The following CUX1 variants were observed in gnomAD, a reference collection of about 807,000 sequenced individuals.
CUX1 encodes protein CASP.
In CUX1, 31 loss-of-function variants were observed where a neutral mutation model predicts 158.8. The ratio of observed to expected loss-of-function variants is 0.20; its 90% CI spans 0.15 to 0.26. The LOEUF (loss-of-function observed/expected upper bound fraction) is 0.26. Among genes scored for constraint, CUX1 ranks in the 10% least tolerant of loss-of-function variants. The pLI is 1.00. For missense variants in CUX1, 1,589 were observed against 2,014.6 expected, an observed-to-expected ratio of 0.79 and a Z score of 4.04; for synonymous variants, 879 against 862.1, an observed-to-expected ratio of 1.02 and a Z score of -0.34.
At chr7:102,053,340 G>C (rs1269575342) in intron 3 of CUX1, among the ~76,000 whole-genome samples, 1 of 152,004 alleles carries the variant, frequency 6.6e-6, no homozygotes, top group African/African-American at 2.4e-5. Flanking sequence ...ATATTTATGG[G>C]GTGGAGCACA....
At chr7:101,964,297 G>A (rs1810871624) in intron 2 of CUX1, among the ~76,000 whole-genome samples, 1 of 152,034 alleles carries the variant, frequency 6.6e-6, no homozygotes, top group African/African-American at 2.4e-5. Context: ...AGGTTGCAGT[G>A]AGCTGAGATC....
chr7:101,922,319 C>G (rs1388673653), intron 2 of CUX1, among the ~76,000 whole-genome samples: 1 of 152,226 alleles, frequency 6.6e-6, no homozygotes, highest in Non-Finnish European at 1.5e-5. Flanking sequence ...AATCTTCTGA[C>G]TGTAGACTTT....
chr7:101,924,730 TA>T lies in CUX1; in HGVS notation c.141+8506del, dbSNP rs1403144133. Reference sequence around the variant, plus strand: ...ACAGGCGTGCACCACCACACCTGGTTATTTTTTTTTATTTTTTATTTTTTGT... The same window carrying T: ...ACAGGCGTGCACCACCACACCTGGTTTTTTTTTTTATTTTTTATTTTTTGT... On this transcript the variant is annotated intron_variant, in intron 2 of 23. Coordinates refer to ENST00000292535, the MANE Select transcript of CUX1 (RefSeq NM_181552.4). Among the ~76,000 whole-genome samples, 5 of 149,950 alleles carry T rather than the reference TA, an allele frequency of 3.3e-5. No homozygotes were observed. The East Asian group carries it at 9.9e-4, about 30-fold the overall frequency.
chr7:102,244,076 G>C (rs1248136354), intron 23 of CUX1, among the ~76,000 whole-genome samples: 2 of 152,114 alleles, frequency 1.3e-5, no homozygotes, highest in African/African-American at 4.8e-5. Flanking sequence ...AGCAGGCCAA[G>C]GGCAGAGGGC....
intron 8 of CUX1, among the ~76,000 whole-genome samples, chr7:102,125,273 G>A (rs781951297): frequency 3.9e-5 from 6 of 152,160 alleles, no homozygotes; most frequent in Non-Finnish European, 8.8e-5. Context: ...CAATGAGGAC[G>A]TTTGCGCTCT....
At chr7:102,072,703 C>T (rs1043161578) in intron 4 of CUX1, among the ~76,000 whole-genome samples, 3 of 152,146 alleles carry the variant, frequency 2.0e-5, no homozygotes, top group Admixed American at 6.5e-5. Flanking sequence ...CAGGGTGAAT[C>T]AGCCTTTGGT....
intron 23 of CUX1, among the ~76,000 whole-genome samples, chr7:102,244,411 AAT>A (rs1460139227): frequency 1.3e-5 from 2 of 152,202 alleles, no homozygotes; most frequent in Non-Finnish European, 2.9e-5. Context: ...GGCAATTAAA[AAT>A]ATCTCAGGCT....
chr7:101,827,290 C>CTTCTCTTCTCTTCTCTTCTCTTCTT (rs1461284975), intron 1 of CUX1, among the ~76,000 whole-genome samples: 2 of 114,012 alleles, frequency 1.8e-5, no homozygotes, highest in Non-Finnish European at 4.0e-5. Context: ...CTTCTCTTCT[C>CTTCTCTTCTCTTCTCTTCTCTTCTT]TTCTTTTCTT....
intron 3 of CUX1, among the ~76,000 whole-genome samples, chr7:102,050,756 G>T (rs1252942820): frequency 1.3e-5 from 2 of 151,702 alleles, no homozygotes; most frequent in Non-Finnish European, 2.9e-5. Context: ...AGGCTGGAGT[G>T]CATTTGTGTG....
intron 18 of CUX1, among the ~76,000 whole-genome samples, chr7:102,203,586 G>T (rs1795668606): frequency 6.6e-6 from 1 of 152,218 alleles, no homozygotes; most frequent in Non-Finnish European, 1.5e-5. Flanking sequence ...AGACATTCGT[G>T]CTCATGCCTT....
chr7:102,069,638 A>G (rs1825914360), intron 3 of CUX1, among the ~76,000 whole-genome samples: 1 of 152,156 alleles, frequency 6.6e-6, no homozygotes, highest in Admixed American at 6.5e-5. Context: ...AATTCCAGCT[A>G]CTTGGGAGGC....
chr7:101,902,321 G>T (rs746778425), intron 1 of CUX1, among the ~76,000 whole-genome samples: 2 of 152,170 alleles, frequency 1.3e-5, no homozygotes, highest in African/African-American at 2.4e-5. Context: ...ATGGTTAATA[G>T]CGTTATCCTC....
rs776758743 is a variant in CUX1 at position 102,196,291 on chromosome 7, C to T, written c.1223-343C>T. 4.2e-4 allele frequency among the ~76,000 whole-genome samples: 64 copies of T among 152,176 alleles called. 1 individual carries two copies. Among genetic ancestry groups the T allele is most frequent in the Non-Finnish European group, 7.6e-4 (52 of 68,018 alleles). ...TTGCTGCTCCTCCGGCCGGGGCCAG[C>T]GGGCCCAGTAAGAGGCCCGCGACCC... On this transcript the variant is annotated intron_variant, in intron 14 of 23. Transcript: ENST00000292535.
upstream of CUX1, chr7:101,817,412 C>G (rs1455103184): frequency 1.9e-5 from 19 of 984,466 alleles, no homozygotes; most frequent in Non-Finnish European, 2.3e-5. This position sits in a 1 kb window ranked among gnomAD's most constrained non-coding sequence, Gnocchi z 4.1. Flanking sequence ...CCCGGGGGCC[C>G]GTTGGGACCG....
chr7:102,034,751 CA>C (rs33994794), intron 3 of CUX1, among the ~76,000 whole-genome samples: 24 of 117,908 alleles, frequency 2.0e-4, no homozygotes, highest in Admixed American at 3.7e-4. Context: ...GACTCCGTCT[CA>C]AAAAAAAAAA....
intron 1 of CUX1, among the ~76,000 whole-genome samples, chr7:101,852,420 C>T (rs1394949291): frequency 6.6e-6 from 1 of 151,682 alleles, no homozygotes; most frequent in Non-Finnish European, 1.5e-5. Context: ...GAGTTTGAGA[C>T]CAACCTGGGC....
intron 21 of CUX1, among the ~76,000 whole-genome samples, chr7:102,231,274 C>T (rs1179473547): frequency 6.6e-6 from 1 of 151,992 alleles, no homozygotes; most frequent in Non-Finnish European, 1.5e-5. Flanking sequence ...TCGTGATCTG[C>T]CCGCCTCAAC....
At chr7:102,115,347 A>T (rs1156535119) in intron 8 of CUX1, 74 bp downstream of exon 8, 1 of 1,343,938 alleles carries the variant, frequency 7.4e-7, no homozygotes, top group African/African-American at 1.5e-5. Context: ...GGCAGGATCG[A>T]GAAGGTTCTT....
intron 4 of CUX1, among the ~76,000 whole-genome samples, chr7:102,075,104 C>G (rs529188661): frequency 2.0e-4 from 31 of 152,172 alleles, no homozygotes; most frequent in Admixed American, 1.1e-3. Context: ...GATGATCCGC[C>G]CCCCTCAGCC....
Sources: gnomAD v4.1 joint callset for allele counts (sites outside exome capture counted in the v4.1 genomes callset) on GRCh38, gnomAD v4.1.1 for gene constraint, Gnocchi (gnomAD v3.1) non-coding constraint, MANE v1.5 for transcripts, NCBI Gene and HGNC (gene_info 2026-07-23, HGNC 2026-07-21) for gene names.